Variants in UNC13B observed in about 807,000 individuals in gnomAD.
UNC13B encodes the protein protein unc-13 homolog B.
Under a neutral mutation model 211.0 loss-of-function variants are expected in UNC13B, and 144 were observed. The observed-to-expected ratio is 0.68, with a 90% CI of 0.60 to 0.78. The LOEUF (loss-of-function observed/expected upper bound fraction) is 0.78, where lower values mean the gene tolerates loss of function less well. UNC13B is among the 30% of genes least tolerant of loss of function. The pLI is 0.00. For synonymous variants in UNC13B, 709 were observed against 725.8 expected (o/e 0.98, Z 0.37); for missense variants, 1,777 against 2,002.0 (o/e 0.89, Z 2.14).
chr9:35,398,186 T>C, intron 30 of UNC13B, 25 bp from the exon 31 acceptor site: 1 of 1,607,374 alleles, frequency 6.2e-7, no homozygotes, highest in Non-Finnish European at 8.5e-7. Context: ...GAGCCAAGAC[T>C]CAACAGCTAC....
chr9:35,175,966 C>A (rs1421355845), intron 1 of UNC13B, among the ~76,000 whole-genome samples: 1 of 143,044 alleles, frequency 7.0e-6, no homozygotes, highest in Non-Finnish European at 1.5e-5. Context: ...GCAGAGGTTG[C>A]GGTGAGCTGA....
chr9:35,231,482 T>C (rs1450950902), intron 3 of UNC13B, among the ~76,000 whole-genome samples: 2 of 152,116 alleles, frequency 1.3e-5, no homozygotes, highest in Admixed American at 6.6e-5. Context: ...TCCCAATTGA[T>C]TTGTGTTGGT....
chr9:35,236,206 A>G (rs1218815484), intron 3 of UNC13B, among the ~76,000 whole-genome samples: 2 of 152,176 alleles, frequency 1.3e-5, no homozygotes, highest in African/African-American at 4.8e-5. Context: ...GAGGTGCACA[A>G]TACCTTATTG....
chr9:35,397,029 T>A, intron 28 of UNC13B, 92 bp downstream of exon 28: 2 of 1,601,662 alleles, frequency 1.2e-6, no homozygotes, highest in Non-Finnish European at 1.7e-6. Context: ...CCAGGATGGC[T>A]ATGCCTGCCC....
intron 7 of UNC13B, among the ~76,000 whole-genome samples, chr9:35,263,596 A>AGTGT (rs138587166): frequency 6.6e-6 from 1 of 151,904 alleles, no homozygotes; most frequent in African/African-American, 2.4e-5. Flanking sequence ...TAAAACCCTC[A>AGTGT]GTGTGTGTGT....
chr9:35,232,433 T>C (rs1188814690), intron 3 of UNC13B, among the ~76,000 whole-genome samples: 1 of 151,830 alleles, frequency 6.6e-6, no homozygotes, highest in Non-Finnish European at 1.5e-5. Flanking sequence ...CTTCCCGCCT[T>C]GGCCTCCCAA....
rs888871255 is a variant in UNC13B at position 35,344,648 on chromosome 9, A to G, written c.9415-22299A>G. Among the ~76,000 whole-genome samples, 13 of 152,252 alleles carry G rather than the reference A, an allele frequency of 8.5e-5. 1 individual carries two copies. Among genetic ancestry groups the G allele is most frequent in the Admixed American group, 6.5e-4 (10 of 15,298 alleles). On this transcript the variant is annotated intron_variant, in intron 11 of 39. Coordinates refer to ENST00000635942, the MANE Select transcript of UNC13B (RefSeq NM_001371189.2). ...CCATCTAGTAGTCTGCCACAGCAAA[A>G]CAGATTAATGACAACAAGGGTCTCA...
intron 1 of UNC13B, among the ~76,000 whole-genome samples, chr9:35,177,182 G>A (rs1204521179): frequency 6.6e-6 from 1 of 152,134 alleles, no homozygotes; most frequent in Non-Finnish European, 1.5e-5. Context: ...AGCTACTCAG[G>A]ATCCTGCTGA....
At position 35,400,349 on chromosome 9, in the gene UNC13B, C is replaced by A. The variant is rs141044319; in HGVS notation, c.12390C>A (p.Ser4130Arg). 6.2e-6 allele frequency: 10 copies of A among 1,614,040 alleles called. No homozygotes were observed. The African/African-American group carries it at 1.3e-4, about 22-fold the overall frequency. Reference sequence around the variant, plus strand: ...TGAAGAAAACCTTCCTGGAGAAGAGCCCAGATCTGCAGTCTCTACGCTATG... The same window carrying A: ...TGAAGAAAACCTTCCTGGAGAAGAGACCAGATCTGCAGTCTCTACGCTATG... The part of the protein sequence containing the change: ...NGLKKTFLEK[S>R]PDLQSLRYAL... The change falls in exon 37 of 40, where the codon AGC becomes AGA. Residue 4130 changes from serine (S) to arginine (R), a missense_variant. Physicochemically the swap from Ser to Arg is moderately radical, Grantham distance 110. Transcript: ENST00000635942.
chr9:35,264,073 A>G (rs1007264464), intron 7 of UNC13B, among the ~76,000 whole-genome samples: 1 of 152,192 alleles, frequency 6.6e-6, no homozygotes, highest in African/African-American at 2.4e-5. Flanking sequence ...GTAGCTTTGG[A>G]ACTGGGTGAT....
chr9:35,285,354 C>T (rs149140319), intron 7 of UNC13B, among the ~76,000 whole-genome samples: 1 of 152,248 alleles, frequency 6.6e-6, no homozygotes, highest in African/African-American at 2.4e-5. Context: ...TGTTGAAAAG[C>T]CCTTTGAATT....
chr9:35,300,252 A>ATGG lies in UNC13B; in HGVS notation c.851_853dup (p.Gly284dup). On this transcript the variant is annotated inframe_insertion, in exon 9 of 40. Transcript: ENST00000635942. ...TTTGAAGACAGTGAAAGAAGGCAAT[A>ATGG]TGGTGAGAGATCTGAAACTAAGACT... 1 of 398,920 alleles carries ATGG rather than the reference A, an allele frequency of 2.5e-6. No homozygotes were observed. The highest frequency in any genetic ancestry group is 4.4e-6 in the Non-Finnish European group (1 of 226,022). 24.7% of individuals were successfully genotyped at this position (398,920 alleles called of 1,614,324 possible).
intron 9 of UNC13B, among the ~76,000 whole-genome samples, chr9:35,310,242 G>A (rs1830118194): frequency 6.6e-6 from 1 of 152,138 alleles, no homozygotes; most frequent in Admixed American, 6.5e-5. Context: ...CAGAACTGAG[G>A]TTAAGTGTCG....
chr9:35,272,227 T>G (rs80163148), intron 7 of UNC13B, among the ~76,000 whole-genome samples: 19,653 of 148,752 alleles, frequency 0.13, 1,788 homozygotes, highest in East Asian at 0.3. Flanking sequence ...TTTTTTTGGT[T>G]GTTTCATTTT....
At chr9:35,397,561 T>A in intron 29 of UNC13B, 74 bp from the exon 30 acceptor site, 1 of 1,502,086 alleles carries the variant, frequency 6.7e-7, no homozygotes, top group Non-Finnish European at 9.1e-7. Context: ...TGATGAGAAG[T>A]GCCACCTCAG....
intron 11 of UNC13B, among the ~76,000 whole-genome samples, chr9:35,318,983 A>G (rs1193819557): frequency 1.3e-5 from 2 of 152,206 alleles, no homozygotes; most frequent in Non-Finnish European, 2.9e-5. Context: ...GAAGGGAAAG[A>G]TAACAAGTGA....
chr9:35,305,344 T>G lies in UNC13B; in HGVS notation c.5940T>G (p.Asn1980Lys). The G allele has an allele frequency of 2.5e-6, 1 of 398,918 alleles. No individual in the cohort carries two copies. Among genetic ancestry groups the G allele is most frequent in the Non-Finnish European group, 4.4e-6 (1 of 225,986 alleles). 24.7% of individuals were successfully genotyped at this position (398,918 alleles called of 1,614,324 possible). A position where few individuals can be genotyped will look rare whatever the true frequency, so the allele number is the denominator to read the frequency against. Residue 1980 changes from asparagine to lysine, a missense_variant, in exon 9 of 40, where the codon AAT (asparagine) becomes AAG (lysine). Physicochemically the swap from Asn to Lys is moderately conservative, Grantham distance 94. Coordinates refer to ENST00000635942, the MANE Select transcript of UNC13B (RefSeq NM_001371189.2). Reference sequence around the variant, plus strand: ...AGAAAGAATCTTCTGGTGTTTCAAATTTTTGGGGTACCCTTGGGGATTTCT... The same window carrying G: ...AGAAAGAATCTTCTGGTGTTTCAAAGTTTTGGGGTACCCTTGGGGATTTCT... ...QEKKESSGVS[N>K]FWGTLGDFFK...
intron 11 of UNC13B, among the ~76,000 whole-genome samples, chr9:35,332,735 G>A (rs2131973461): frequency 6.6e-6 from 1 of 152,250 alleles, no homozygotes; most frequent in East Asian, 1.9e-4. Context: ...GCTCAACTTG[G>A]ATGTCACATT....
At chr9:35,162,481 C>T (rs1156902387) in intron 1 of UNC13B, among the ~76,000 whole-genome samples, 176 bp downstream of exon 1, 1 of 152,186 alleles carries the variant, frequency 6.6e-6, no homozygotes, top group Non-Finnish European at 1.5e-5. Flanking sequence ...TTCTTGTTTT[C>T]CCCCAAGCTC....
Sources: gnomAD v4.1 joint callset for allele counts (sites outside exome capture counted in the v4.1 genomes callset) on GRCh38, gnomAD v4.1.1 for gene constraint, MANE v1.5 for transcripts, NCBI Gene and HGNC (gene_info 2026-07-23, HGNC 2026-07-21) for gene names.